The following NRK variants were observed in gnomAD, a reference collection of about 807,000 sequenced individuals.
NRK encodes nik-related protein kinase.
In NRK, 67 loss-of-function variants were observed where a neutral mutation model predicts 125.2. The observed-to-expected ratio is 0.54, with a 90% CI of 0.44 to 0.66. NRK has a LOEUF of 0.66. Among genes scored for constraint, NRK ranks in the 30% least tolerant of loss-of-function variants. NRK has a pLI of 0.00. For missense variants in NRK, 1,224 were observed against 1,192.9 expected (o/e 1.03, Z -0.38); for synonymous variants, 458 against 429.0 (o/e 1.07, Z -0.84).
chrX:105,902,605 A>G (rs184132624), intron 9 of NRK, among the ~76,000 whole-genome samples: 10 of 112,129 alleles, frequency 8.9e-5, no homozygotes, highest in African/African-American at 2.9e-4. Flanking sequence ...TCTCCTTGAT[A>G]GGATGCCATG....
intron 1 of NRK, 139 bp downstream of exon 1, chrX:105,823,041 G>A: frequency 1.7e-6 from 1 of 591,198 alleles, no homozygotes; most frequent in East Asian, 3.9e-5. Flanking sequence ...GGGATCCTGG[G>A]AGCCGGCATG....
intron 16 of NRK, among the ~76,000 whole-genome samples, chrX:105,919,002 GA>G (rs57376881): frequency 0.31 from 12,402 of 39,406 alleles, 1,577 homozygotes; most frequent in African/African-American, 0.52. Flanking sequence ...ATGGTTTCCT[GA>G]AAAAAAAAAA....
At chrX:105,947,962 A>G (rs907539046) in intron 26 of NRK, among the ~76,000 whole-genome samples, 1 of 112,285 alleles carries the variant, frequency 8.9e-6, no homozygotes, top group Non-Finnish European at 1.9e-5. Flanking sequence ...GATAATGTAT[A>G]AAATACTGAA....
At chrX:105,834,952 G>C (rs1173630755) in intron 2 of NRK, among the ~76,000 whole-genome samples, 1 of 111,321 alleles carries the variant, frequency 9.0e-6, no homozygotes, top group African/African-American at 3.3e-5. Flanking sequence ...AGCATTTCAT[G>C]CATTAATCAT....
rs1033963224 is a variant in NRK, at chrX:105,947,204, G to A, written c.4353+740G>A. Among the ~76,000 whole-genome samples, 5 of 57,067 alleles carry A rather than the reference G, an allele frequency of 8.8e-5. 1 individual carries two copies. Among genetic ancestry groups the A allele is most frequent in the South Asian group, 6.6e-4 (1 of 1,511 alleles). The allele number at this position is 57,067 out of a possible 115,157, so 49.6% of individuals were successfully genotyped here. A position where few individuals can be genotyped will look rare whatever the true frequency, so the allele number is the denominator to read the frequency against. ...CACGCCTGTAATCCCAGCACTTTGG[G>A]AGGCCGAGGCGGGCGGATCACGAGG... is the stretch of plus-strand genomic sequence containing the variant. On this transcript the variant is annotated intron_variant, in intron 26 of 28. Coordinates refer to ENST00000243300, the MANE Select transcript of NRK (RefSeq NM_198465.4).
intron 2 of NRK, among the ~76,000 whole-genome samples, chrX:105,839,724 C>T (rs1019873969): frequency 7.2e-5 from 8 of 111,095 alleles, no homozygotes; most frequent in Non-Finnish European, 1.1e-4. Flanking sequence ...TTTTTAGGAG[C>T]GGTCATTTTT....
At chrX:105,921,057 A>C (rs2040437018) in intron 16 of NRK, among the ~76,000 whole-genome samples, 1 of 94,377 alleles carries the variant, frequency 1.1e-5, no homozygotes, top group Non-Finnish European at 2.1e-5. Context: ...CATTATTCAC[A>C]ATAGCAAAGA....
intron 2 of NRK, among the ~76,000 whole-genome samples, chrX:105,849,474 G>A (rs974191134): frequency 2.7e-5 from 3 of 110,962 alleles, no homozygotes; most frequent in South Asian, 3.8e-4. Context: ...CAACAGTCCC[G>A]CATTAACCCA....
intron 27 of NRK, among the ~76,000 whole-genome samples, chrX:105,951,015 T>C (rs1210146311): frequency 9.1e-6 from 1 of 110,179 alleles, no homozygotes; most frequent in Non-Finnish European, 1.9e-5. Flanking sequence ...TTCTTCTTTT[T>C]TTTTTTTTCA....
At chrX:105,842,139 T>A (rs767954896) in intron 2 of NRK, among the ~76,000 whole-genome samples, 1 of 111,684 alleles carries the variant, frequency 9.0e-6, no homozygotes, top group Non-Finnish European at 1.9e-5. Context: ...TGCAAAAATT[T>A]ACAAGAAACT....
intron 21 of NRK, among the ~76,000 whole-genome samples, chrX:105,937,018 C>A (rs2040674165): frequency 9.1e-6 from 1 of 110,261 alleles, no homozygotes; most frequent in Non-Finnish European, 1.9e-5. Context: ...TGATAATTTT[C>A]AAAAAGGTTG....
chrX:105,873,053 G>T (rs567189593), intron 2 of NRK, among the ~76,000 whole-genome samples: 1 of 111,752 alleles, frequency 8.9e-6, no homozygotes, highest in African/African-American at 3.3e-5. Context: ...TGTAGTAAGT[G>T]CCTCATGGCC....
intron 2 of NRK, among the ~76,000 whole-genome samples, chrX:105,860,290 T>A (rs1214091255): frequency 9.0e-6 from 1 of 111,585 alleles, no homozygotes. Context: ...GTACCTTTAA[T>A]ATATGAGTAT....
intron 15 of NRK, among the ~76,000 whole-genome samples, chrX:105,916,382 T>C (rs192124163): frequency 9.0e-6 from 1 of 111,194 alleles, no homozygotes; most frequent in East Asian, 2.8e-4. Context: ...TTCTGTTATA[T>C]TTGAAAACTA....
chrX:105,890,155 G>T (rs1383983112), intron 5 of NRK, among the ~76,000 whole-genome samples: 2 of 111,625 alleles, frequency 1.8e-5, no homozygotes, highest in Non-Finnish European at 3.8e-5. Context: ...CATATCTCTA[G>T]GGAAGGGGCA....
chrX:105,882,790 G>A (rs747432005), intron 4 of NRK, among the ~76,000 whole-genome samples: 1 of 111,295 alleles, frequency 9.0e-6, no homozygotes, highest in South Asian at 3.8e-4. Flanking sequence ...CATATCCAGA[G>A]GACCAGCTAA....
At position 105,908,371 on chromosome X, in the gene NRK, G is replaced by A. The variant is rs1238496549; in HGVS notation, c.1085+68G>A. 7 of 535,218 alleles carry A rather than the reference G, an allele frequency of 1.3e-5. No homozygotes were observed. In the African/African-American group the frequency reaches 1.5e-4, roughly 11 times the overall value. 44.1% of individuals were successfully genotyped at this position (535,218 alleles called of 1,213,427 possible). A position where few individuals can be genotyped will look rare whatever the true frequency, so the allele number is the denominator to read the frequency against. ...CACATAAGGCCGTTGATTCCATACT[G>A]TTGCCTTTGGTTCAGAAAGACTTAA... On this transcript the variant is annotated intron_variant, in intron 12 of 28. Transcript: ENST00000243300.
At chrX:105,925,945 CT>C (rs963371027) in intron 19 of NRK, among the ~76,000 whole-genome samples, 1 of 110,702 alleles carries the variant, frequency 9.0e-6, no homozygotes, top group Non-Finnish European at 1.9e-5. Context: ...CTGATTTCCT[CT>C]TTTTTTGAGA....
At chrX:105,861,640 G>A (rs2039602283) in intron 2 of NRK, among the ~76,000 whole-genome samples, 1 of 112,354 alleles carries the variant, frequency 8.9e-6, no homozygotes, top group Non-Finnish European at 1.9e-5. Context: ...CCATTGAATT[G>A]TCTTGACATT....
Sources: allele counts gnomAD v4.1 joint callset (sites outside exome capture counted in the v4.1 genomes callset), GRCh38; gene constraint gnomAD v4.1.1; transcripts MANE v1.5; gene names NCBI Gene and HGNC (gene_info 2026-07-23, HGNC 2026-07-21).